Variants in KPNA5 observed in about 807,000 individuals in gnomAD.
KPNA5 encodes the protein importin subunit alpha-6.
In KPNA5, 46 loss-of-function variants were observed where a neutral mutation model predicts 71.3. The ratio of observed to expected loss-of-function variants is 0.65; its 90% CI spans 0.51 to 0.83. The LOEUF is 0.83. Ranked by LOEUF, KPNA5 falls within the 40% of genes least tolerant of loss-of-function variation. The pLI, the probability that KPNA5 is intolerant of heterozygous loss-of-function variation, is 0.00. For synonymous variants in KPNA5, 207 were observed against 201.4 expected (o/e 1.03, Z -0.24); for missense variants, 547 against 628.3 (o/e 0.87, Z 1.38).
intron 1 of KPNA5, among the ~76,000 whole-genome samples, chr6:116,688,917 A>G (rs920579898): frequency 5.3e-5 from 8 of 151,882 alleles, no homozygotes; most frequent in Admixed American, 2.0e-4. Context: ...AAAGCTGGTT[A>G]TTTCTTGATC....
chr6:116,724,038 A>G (rs1433183194), intron 9 of KPNA5, among the ~76,000 whole-genome samples: 1 of 152,142 alleles, frequency 6.6e-6, no homozygotes, highest in African/African-American at 2.4e-5. Context: ...AACCCAAATA[A>G]TGGGCTTATG....
intron 9 of KPNA5, 117 bp from the exon 10 acceptor site, chr6:116,724,179 TA>T: frequency 1.6e-6 from 1 of 610,546 alleles, no homozygotes; most frequent in Non-Finnish European, 2.9e-6. Context: ...GAATAATTAG[TA>T]AAACTTCAAT....
At chr6:116,724,184 C>T in intron 9 of KPNA5, 113 bp from the exon 10 acceptor site, 1 of 621,988 alleles carries the variant, frequency 1.6e-6, no homozygotes, top group Non-Finnish European at 2.9e-6. Context: ...ATTAGTAAAA[C>T]TTCAATGGGA....
chr6:116,737,126 AG>A lies in KPNA5; in HGVS notation c.*4807del, dbSNP rs1230647073. ...TTTGTTCTTCTTAACACAAGTTACT[AG>A]GGGAAAAAATGTGATCCTTTAAAGG... On this transcript the variant is annotated 3_prime_UTR_variant, in exon 14 of 14. Coordinates refer to ENST00000368564, the MANE Select transcript of KPNA5 (RefSeq NM_001366306.2). 6.6e-6 allele frequency: 1 copy of A among 151,826 alleles called. No individual in the cohort carries two copies. Among genetic ancestry groups the A allele is most frequent in the Non-Finnish European group, 1.5e-5 (1 of 67,808 alleles). 9.4% of individuals were successfully genotyped at this position (151,826 alleles called of 1,614,324 possible).
intron 12 of KPNA5, 116 bp downstream of exon 12, chr6:116,726,738 A>G (rs1043770529): frequency 3.1e-5 from 29 of 927,772 alleles, no homozygotes; most frequent in Middle Eastern, 5.5e-4. Flanking sequence ...GTTTGATAAT[A>G]TGAAATGACA....
chr6:116,726,778 A>AT (rs142927330), intron 12 of KPNA5, among the ~76,000 whole-genome samples, 156 bp downstream of exon 12: 3 of 151,486 alleles, frequency 2.0e-5, no homozygotes, highest in African/African-American at 4.8e-5. Context: ...CTCATTCACA[A>AT]TTTTTTTTTC....
At position 116,722,256 on chromosome 6, in the gene KPNA5, C is replaced by T. The variant is rs754741368; in HGVS notation, c.887C>T (p.Ser296Phe). The change falls in exon 9 of 14, where the codon TCT becomes TTT. Residue 296 changes from serine to phenylalanine, a missense_variant. Ser to Phe is a radical substitution (Grantham distance 155). Transcript: ENST00000368564. ...PNDKIQAVID[S>F]GVCRRLVELL... ...GATAAAATTCAAGCAGTCATTGATT[C>T]TGGAGTCTGTCGAAGATTGGTGGAA... The T allele has an allele frequency of 3.1e-6, 5 of 1,611,570 alleles. No individual in the cohort carries two copies. Among genetic ancestry groups the T allele is most frequent in the Middle Eastern group, 1.7e-4 (1 of 6,052 alleles).
At chr6:116,712,581 A>G (rs543267954) in intron 7 of KPNA5, among the ~76,000 whole-genome samples, 81 of 152,292 alleles carry the variant, frequency 5.3e-4, no homozygotes, top group Non-Finnish European at 9.7e-4. Flanking sequence ...TAATTCATTT[A>G]CATTTAATAT....
At chr6:116,700,207 C>T (rs188443265) in intron 5 of KPNA5, among the ~76,000 whole-genome samples, 5 of 152,216 alleles carry the variant, frequency 3.3e-5, no homozygotes, top group Admixed American at 2.0e-4. Context: ...CGTGGTGACT[C>T]ACACCTGTAA....
At chr6:116,707,998 G>T (rs975589518) in intron 7 of KPNA5, among the ~76,000 whole-genome samples, 4 of 152,146 alleles carry the variant, frequency 2.6e-5, no homozygotes, top group Non-Finnish European at 5.9e-5. Context: ...CACATAAGTG[G>T]AATCATACAA....
intron 4 of KPNA5, among the ~76,000 whole-genome samples, chr6:116,696,452 C>T (rs1375210116): frequency 6.6e-6 from 1 of 152,204 alleles, no homozygotes; most frequent in Non-Finnish European, 1.5e-5. Flanking sequence ...AGTGTTCTTA[C>T]TGTAGACACT....
chr6:116,740,983 TTAAAG>T lies in KPNA5; in HGVS notation c.*8663_*8667del, dbSNP rs1173217599. On this transcript the variant is annotated 3_prime_UTR_variant, in exon 14 of 14. Transcript: ENST00000368564. ...ACATTGTGCACATGTACCCTGAAACTTAAAGTATAATAAAAAAAAAAGAAATGTAC... is the reference window on the plus strand; with the variant it reads ...ACATTGTGCACATGTACCCTGAAACTTATAATAAAAAAAAAAGAAATGTAC... 2.0e-5 allele frequency: 3 copies of T among 151,440 alleles called. No homozygotes were observed. The highest frequency in any genetic ancestry group is 6.6e-5 in the Admixed American group (1 of 15,234). 9.4% of individuals were successfully genotyped at this position (151,440 alleles called of 1,614,324 possible). A position where few individuals can be genotyped will look rare whatever the true frequency, so the allele number is the denominator to read the frequency against.
intron 6 of KPNA5, among the ~76,000 whole-genome samples, chr6:116,702,931 T>G (rs1778284848): frequency 6.6e-6 from 1 of 152,172 alleles, no homozygotes; most frequent in Non-Finnish European, 1.5e-5. Flanking sequence ...TCATTTAACA[T>G]TTTTTTGCAT....
chr6:116,691,275 G>A (rs1041460567), intron 2 of KPNA5, among the ~76,000 whole-genome samples: 2 of 152,094 alleles, frequency 1.3e-5, no homozygotes, highest in African/African-American at 2.4e-5. Flanking sequence ...TTTTATTTTC[G>A]TATTTTGTTG....
intron 1 of KPNA5, among the ~76,000 whole-genome samples, chr6:116,687,165 T>A (rs1777622976): frequency 6.6e-6 from 1 of 152,252 alleles, no homozygotes; most frequent in South Asian, 2.1e-4. Flanking sequence ...TCCACAAGCA[T>A]GGAATGTTTT....
intron 10 of KPNA5, 86 bp downstream of exon 10, chr6:116,724,461 C>A: frequency 1.2e-6 from 1 of 856,638 alleles, no homozygotes; most frequent in East Asian, 2.6e-5. Context: ...ACATATTAAT[C>A]AAGATTTTAG....
chr6:116,708,670 G>A (rs1449117033), intron 7 of KPNA5, among the ~76,000 whole-genome samples: 3 of 152,026 alleles, frequency 2.0e-5, no homozygotes, highest in African/African-American at 7.2e-5. Flanking sequence ...GTATTCCAAA[G>A]TATTTTATTC....
intron 2 of KPNA5, 151 bp downstream of exon 2, chr6:116,689,604 A>T (rs1356254701): frequency 2.0e-5 from 12 of 600,878 alleles, no homozygotes; most frequent in Non-Finnish European, 3.2e-5. Context: ...AAATTTGTGA[A>T]ACAGAACTCT....
At position 116,729,648 on chromosome 6, in the gene KPNA5, G is replaced by A. The variant is rs1395137176; in HGVS notation, c.1339G>A (p.Gly447Arg). ...CAAAATAGTCCAAGTGGCTTTAAAT[G>A]GACTTGAAAATATTTTACGTCTTGG... ...DSKIVQVALN[G>R]LENILRLGEQ... Residue 447 changes from glycine to arginine, a missense_variant, in exon 13 of 14, where the codon GGA (glycine) becomes AGA (arginine). Gly to Arg is a moderately radical substitution (Grantham distance 125). Transcript: ENST00000368564. 3.1e-6 allele frequency: 5 copies of A among 1,610,348 alleles called. No individual in the cohort carries two copies. The highest frequency in any genetic ancestry group is 4.2e-6 in the Non-Finnish European group (5 of 1,178,058).
Sources: allele counts gnomAD v4.1 joint callset (sites outside exome capture counted in the v4.1 genomes callset), GRCh38; gene constraint gnomAD v4.1.1; transcripts MANE v1.5; gene names NCBI Gene and HGNC (gene_info 2026-07-23, HGNC 2026-07-21).